CTNNA1: variants seen among roughly 807,000 people sequenced by gnomAD.
CTNNA1 encodes the protein catenin alpha-1.
CTNNA1 carries 37 observed loss-of-function variants against 98.4 expected under a neutral mutation model. That is an observed-to-expected ratio of 0.38 (90% confidence interval 0.29 to 0.49). CTNNA1 has a LOEUF of 0.49. Ranked by LOEUF, CTNNA1 falls within the 20% of genes least tolerant of loss-of-function variation. The probability of loss-of-function intolerance (pLI) is 0.95; values close to 1 mark genes in which losing one functional copy is unlikely to be tolerated. For missense variants in CTNNA1, 761 were observed against 1,147.2 expected (o/e 0.66, Z 4.86); for synonymous variants, 404 against 413.2 (o/e 0.98, Z 0.27).
rs368382845 is a variant in CTNNA1 at position 138,902,609 on chromosome 5, C to T, written c.1297-1740C>T. On this transcript the variant is annotated intron_variant, in intron 9 of 17. Coordinates refer to ENST00000302763, the MANE Select transcript of CTNNA1 (RefSeq NM_001903.5). ...TAATTTTTTTGTATTTTAGTAGAGA[C>T]GGGGTTTCACCGTGTTAGCCAGGAT... is the stretch of plus-strand genomic sequence containing the variant. 4.2e-3 allele frequency among the ~76,000 whole-genome samples: 640 copies of T among 152,242 alleles called. 3 individuals carry two copies. The highest frequency in any genetic ancestry group is 0.015 in the African/African-American group (612 of 41,536).
intron 7 of CTNNA1, among the ~76,000 whole-genome samples, chr5:138,879,407 T>G (rs899229796): frequency 6.6e-6 from 1 of 152,128 alleles, no homozygotes; most frequent in Non-Finnish European, 1.5e-5. Flanking sequence ...GAATCTCCAT[T>G]TCTGCCTGGA....
At chr5:138,783,059 A>T in intron 2 of CTNNA1, 118 bp from the exon 3 acceptor site, 2 of 722,816 alleles carry the variant, frequency 2.8e-6, no homozygotes, top group Admixed American at 3.2e-5. Flanking sequence ...ATTGTATGTT[A>T]ATGTTCAGTG....
At chr5:138,766,606 T>C (rs1752967513) in intron 1 of CTNNA1, among the ~76,000 whole-genome samples, 1 of 152,050 alleles carries the variant, frequency 6.6e-6, no homozygotes, top group African/African-American at 2.4e-5. Context: ...GTGAGGTGTT[T>C]ACTGAGGTAC....
chr5:138,873,736 C>T lies in CTNNA1; in HGVS notation c.1063-12476C>T, dbSNP rs777934931. 2.2e-5 allele frequency: 35 copies of T among 1,613,886 alleles called. No individual in the cohort carries two copies. The South Asian group carries it at 2.2e-4, about 10-fold the overall frequency. On this transcript the variant is annotated intron_variant, in intron 7 of 17. Coordinates refer to ENST00000302763, the MANE Select transcript of CTNNA1 (RefSeq NM_001903.5). The surrounding 1 kb of genome is among the most constrained non-coding windows in gnomAD (Gnocchi z 6.1). Reference sequence around the variant, plus strand: ...TGAGGAGTATTTTAAGATTGGGCATCGTTTCAAACACTGTCAAGTCGATGG... The same window carrying T: ...TGAGGAGTATTTTAAGATTGGGCATTGTTTCAAACACTGTCAAGTCGATGG...
chr5:138,932,117 A>G (rs769554969), intron 16 of CTNNA1: 3 of 987,230 alleles, frequency 3.0e-6, no homozygotes, highest in Non-Finnish European at 2.4e-6. Flanking sequence ...TTAATAACGC[A>G]AAGTGCCTCA....
At chr5:138,808,466 C>T (rs1236602132) in intron 3 of CTNNA1, among the ~76,000 whole-genome samples, 2 of 152,102 alleles carry the variant, frequency 1.3e-5, no homozygotes, top group Non-Finnish European at 2.9e-5. Flanking sequence ...TGTGTTAGAT[C>T]CAGGAAAACC....
intron 3 of CTNNA1, among the ~76,000 whole-genome samples, chr5:138,808,263 C>G (rs73269607): frequency 0.013 from 1,907 of 152,218 alleles, 46 homozygotes; most frequent in African/African-American, 0.038. Flanking sequence ...TTTTTTGTCT[C>G]CCTCCTTCCC....
rs1344157927 is a variant in CTNNA1 at position 138,904,392 on chromosome 5, T to C, written c.1340T>C (p.Val447Ala). The change falls in exon 10 of 18, where the codon GTA (valine) becomes GCA (alanine). Residue 447 changes from valine to alanine, a missense_variant. Physicochemically the swap from Val to Ala is moderately conservative, Grantham distance 64 (BLOSUM62 0). Coordinates refer to ENST00000302763, the MANE Select transcript of CTNNA1 (RefSeq NM_001903.5). ...ACSISNNEEG[V>A]KLVRMSASQL... ...TCCATCTCAAATAATGAAGAAGGTGTAAAGCTTGTTCGAATGTCTGCAAGC... is the reference window on the plus strand; with the variant it reads ...TCCATCTCAAATAATGAAGAAGGTGCAAAGCTTGTTCGAATGTCTGCAAGC... 6.2e-7 allele frequency: 1 copy of C among 1,614,066 alleles called. No homozygotes were observed. The highest frequency in any genetic ancestry group is 8.5e-7 in the Non-Finnish European group (1 of 1,180,024).
At chr5:138,804,451 G>C (rs751560899) in intron 3 of CTNNA1, among the ~76,000 whole-genome samples, 1 of 152,204 alleles carries the variant, frequency 6.6e-6, no homozygotes, top group Non-Finnish European at 1.5e-5. Flanking sequence ...AGTTTTACCT[G>C]TTGGAAGTTA....
chr5:138,892,940 C>T (rs866027128), intron 9 of CTNNA1, among the ~76,000 whole-genome samples: 13 of 152,068 alleles, frequency 8.5e-5, no homozygotes, highest in South Asian at 2.1e-4. Flanking sequence ...CACTTGAACC[C>T]GGGAGGCGGA....
intron 1 of CTNNA1, chr5:138,755,083 G>T (rs1751478440): frequency 6.6e-6 from 1 of 152,152 alleles, no homozygotes; most frequent in Non-Finnish European, 1.5e-5. Context: ...TTCAGCGAAA[G>T]AATAATTTTT....
chr5:138,865,861 TATGTGTAA>T (rs1453898249), intron 7 of CTNNA1, among the ~76,000 whole-genome samples: 5 of 152,248 alleles, frequency 3.3e-5, no homozygotes, highest in Admixed American at 2.0e-4. Flanking sequence ...AGAAGTAGGT[TATGTGTAA>T]ATGATAAATA....
intron 10 of CTNNA1, among the ~76,000 whole-genome samples, chr5:138,912,292 T>G (rs1292085693): frequency 6.6e-6 from 1 of 151,892 alleles, no homozygotes; most frequent in Non-Finnish European, 1.5e-5. Flanking sequence ...AGGAAAAGAT[T>G]AGATGAGATT....
rs1033762271 is a variant in CTNNA1 at position 138,932,074 on chromosome 5, C to T, written c.2299-504C>T. The T allele has an allele frequency of 3.9e-5, 38 of 985,890 alleles. No individual in the cohort carries two copies. The African/African-American group carries it at 5.9e-4, about 15-fold the overall frequency. 61.1% of individuals were successfully genotyped at this position (985,890 alleles called of 1,614,324 possible). A position where few individuals can be genotyped will look rare whatever the true frequency, so the allele number is the denominator to read the frequency against. ...TACTTTACTCACTTGTCTTCCACCT[C>T]AGCCTGCAGTGAGTGGCTTTTGTCA... On this transcript the variant is annotated intron_variant, in intron 16 of 17. Transcript: ENST00000302763.
intron 3 of CTNNA1, among the ~76,000 whole-genome samples, chr5:138,793,059 C>G (rs1390160523): frequency 6.6e-6 from 1 of 152,150 alleles, no homozygotes; most frequent in Admixed American, 6.5e-5. Flanking sequence ...GCTCCCACTC[C>G]AATTCATACC....
Position 138,789,281 on chromosome 5 carries a change from A to C in CTNNA1, c.301+5909A>C, listed in dbSNP as rs869312577. Among the ~76,000 whole-genome samples, 2 of 152,156 alleles carry C rather than the reference A, an allele frequency of 1.3e-5. No homozygotes were observed. The highest frequency in any genetic ancestry group is 2.9e-5 in the Non-Finnish European group (2 of 68,024). On this transcript the variant is annotated intron_variant, in intron 3 of 17. Transcript: ENST00000302763. ...ATGGGAGGATAAGCATGGGATTGGG[A>C]AAGTTAACTAAAGGTATTTGAGCTT...
chr5:138,816,288 A>T (rs1052848919), intron 5 of CTNNA1, among the ~76,000 whole-genome samples: 2 of 152,218 alleles, frequency 1.3e-5, no homozygotes, highest in Admixed American at 1.3e-4. Flanking sequence ...GTTGATGGAC[A>T]CTTAGGTTGA....
At position 138,873,955 on chromosome 5, in the gene CTNNA1, T is replaced by C. The variant is rs149114250; in HGVS notation, c.1063-12257T>C. On this transcript the variant is annotated intron_variant, in intron 7 of 17. Transcript: ENST00000302763. This position sits in a 1 kb window ranked among gnomAD's most constrained non-coding sequence, Gnocchi z 6.1. ...GAAGCTCTCTCAGTTTAATTAATCCTGCAAATCCATTGCGAGCCAAACTTC... is the reference window on the plus strand; with the variant it reads ...GAAGCTCTCTCAGTTTAATTAATCCCGCAAATCCATTGCGAGCCAAACTTC... 51 of 1,614,022 alleles carry C rather than the reference T, an allele frequency of 3.2e-5. No individual in the cohort carries two copies. The African/African-American group carries it at 6.3e-4, about 20-fold the overall frequency.
intron 3 of CTNNA1, among the ~76,000 whole-genome samples, chr5:138,790,506 A>G (rs1218704432): frequency 6.6e-6 from 1 of 152,194 alleles, no homozygotes; most frequent in Non-Finnish European, 1.5e-5. Context: ...TTCCTATGGC[A>G]ATGATAAGTA....
Sources: allele counts gnomAD v4.1 joint callset (sites outside exome capture counted in the v4.1 genomes callset), GRCh38; gene constraint gnomAD v4.1.1; non-coding constraint Gnocchi (gnomAD v3.1); transcripts MANE v1.5; gene names NCBI Gene and HGNC (gene_info 2026-07-23, HGNC 2026-07-21).